STPG1: variants seen among roughly 807,000 people sequenced by gnomAD.
STPG1 encodes the protein O(6)-methylguanine-induced apoptosis 2.
STPG1 carries 33 observed loss-of-function variants against 40.1 expected under a neutral mutation model. That is an observed-to-expected ratio of 0.82 (90% CI 0.62 to 1.10). STPG1 has a LOEUF of 1.10. Among genes scored for constraint, STPG1 ranks in the 50% least tolerant of loss-of-function variants. The probability of loss-of-function intolerance (pLI) is 0.00; values close to 1 mark genes in which losing one functional copy is unlikely to be tolerated. For missense variants in STPG1, 396 were observed against 415.1 expected (o/e 0.95, Z 0.40); for synonymous variants, 150 against 155.0 (o/e 0.97, Z 0.24).
At chr1:24,365,862 C>A (rs1295319241) in intron 7 of STPG1, among the ~76,000 whole-genome samples, 4 of 152,176 alleles carry the variant, frequency 2.6e-5, no homozygotes, top group Non-Finnish European at 4.4e-5. Context: ...GTGGAGGTTC[C>A]ATGGTACTGA....
upstream of STPG1, chr1:24,414,238 G>A (rs1012418213): frequency 6.6e-6 from 1 of 151,724 alleles, no homozygotes; most frequent in Non-Finnish European, 1.5e-5. Context: ...TAGAGACAGG[G>A]TTTCACCACG....
At chr1:24,379,913 G>C (rs1570033550) in intron 4 of STPG1, 90 bp from the exon 5 acceptor site, 1 of 1,319,176 alleles carries the variant, frequency 7.6e-7, no homozygotes, top group East Asian at 2.4e-5. Context: ...CCAGCACAAG[G>C]TCTAAATGCA....
At chr1:24,374,875 C>T (rs1424685447) in intron 5 of STPG1, among the ~76,000 whole-genome samples, 1 of 152,056 alleles carries the variant, frequency 6.6e-6, no homozygotes, top group Non-Finnish European at 1.5e-5. Flanking sequence ...ATCTGCCCAC[C>T]TCGGCCTCCC....
chr1:24,365,009 G>C (rs1641363681), intron 7 of STPG1, among the ~76,000 whole-genome samples: 1 of 152,196 alleles, frequency 6.6e-6, no homozygotes, highest in Non-Finnish European at 1.5e-5. Context: ...GGATTCCCAG[G>C]GTTGGGAGGG....
chr1:24,405,102 C>T (rs1055822207), intron 1 of STPG1, among the ~76,000 whole-genome samples: 5 of 152,150 alleles, frequency 3.3e-5, no homozygotes, highest in African/African-American at 1.2e-4. Context: ...GGATTACAGG[C>T]ACTCCCACCA....
chr1:24,376,080 G>A (rs187377144), intron 5 of STPG1, among the ~76,000 whole-genome samples: 90 of 152,342 alleles, frequency 5.9e-4, no homozygotes, highest in African/African-American at 2.0e-3. Context: ...GAGTGCAGTA[G>A]TGTGATCTTG....
chr1:24,359,754 C>T lies in STPG1; in HGVS notation c.928+1097G>A, dbSNP rs1640972296. 6.6e-6 allele frequency among the ~76,000 whole-genome samples: 1 copy of T among 152,202 alleles called. No homozygotes were observed. Among genetic ancestry groups the T allele is most frequent in the African/African-American group, 2.4e-5 (1 of 41,452 alleles). ...TCATCCTCCCATGCCACCTGCCACA[C>T]ATGTCAGTCCCCAGTGCCACCAGCT... is the stretch of plus-strand genomic sequence containing the variant. On this transcript the variant is annotated intron_variant, in intron 8 of 8. Coordinates refer to ENST00000337248, the MANE Select transcript of STPG1 (RefSeq NM_001199013.2). This position sits in a 1 kb window ranked among gnomAD's most constrained non-coding sequence, Gnocchi z 5.3.
At chr1:24,404,070 T>C (rs573582978) in intron 1 of STPG1, among the ~76,000 whole-genome samples, 2 of 152,284 alleles carry the variant, frequency 1.3e-5, no homozygotes, top group East Asian at 3.9e-4. Context: ...AGTACAATGT[T>C]AGTTGTAGGT....
chr1:24,383,053 C>G (rs1000140329), intron 4 of STPG1, among the ~76,000 whole-genome samples: 1 of 151,576 alleles, frequency 6.6e-6, no homozygotes, highest in South Asian at 2.1e-4. Context: ...CTGGGACTAT[C>G]GACACACATC....
At chr1:24,379,283 C>T in intron 5 of STPG1, 1 of 195,198 alleles carries the variant, frequency 5.1e-6, no homozygotes, top group Non-Finnish European at 1.1e-5. Context: ...GTTTATTTTC[C>T]CTAGAAGAAC....
chr1:24,374,232 C>T (rs72652538), intron 5 of STPG1, among the ~76,000 whole-genome samples: 2 of 148,126 alleles, frequency 1.4e-5, no homozygotes, highest in Non-Finnish European at 3.0e-5. Context: ...CAGAGATCAC[C>T]GCTAGGAAAG....
intron 7 of STPG1, among the ~76,000 whole-genome samples, chr1:24,365,025 G>A (rs1641365436): frequency 6.6e-6 from 1 of 152,162 alleles, no homozygotes; most frequent in Non-Finnish European, 1.5e-5. Context: ...GAGGGATAAA[G>A]GGGCAATTTT....
intron 7 of STPG1, chr1:24,369,335 C>T (rs1356269492): frequency 2.0e-6 from 1 of 503,108 alleles, no homozygotes; most frequent in Admixed American, 2.3e-5. Flanking sequence ...TGAGCCAATT[C>T]CCTGTGGCTC....
intron 1 of STPG1, among the ~76,000 whole-genome samples, chr1:24,412,570 C>G (rs1373622473): frequency 2.6e-5 from 4 of 152,118 alleles, no homozygotes; most frequent in Admixed American, 1.3e-4. Flanking sequence ...ACAGTATTTG[C>G]TCAATTGGCC....
At chr1:24,382,827 T>C (rs1642346312) in intron 4 of STPG1, among the ~76,000 whole-genome samples, 1 of 151,912 alleles carries the variant, frequency 6.6e-6, no homozygotes, top group South Asian at 2.1e-4. Context: ...TCATAATACA[T>C]CTGTGCAAGA....
At chr1:24,391,472 G>A (rs1642768746) in intron 3 of STPG1, 89 bp downstream of exon 3, 1 of 843,318 alleles carries the variant, frequency 1.2e-6, no homozygotes, top group Non-Finnish European at 1.9e-6. Flanking sequence ...ACTGTCCACA[G>A]AAAGACACAG....
chr1:24,358,890 G>A (rs1291404728), intron 8 of STPG1, among the ~76,000 whole-genome samples: 2 of 152,140 alleles, frequency 1.3e-5, no homozygotes, highest in Non-Finnish European at 2.9e-5. Flanking sequence ...TATGAAATTC[G>A]AAAAGAAATT....
intron 4 of STPG1, among the ~76,000 whole-genome samples, chr1:24,382,587 G>A (rs1035285584): frequency 4.0e-4 from 61 of 152,144 alleles, no homozygotes; most frequent in African/African-American, 1.5e-3. Context: ...TTCTTTCCTA[G>A]CAGAGCTGGT....
At chr1:24,404,298 A>C (rs1177176929) in intron 1 of STPG1, among the ~76,000 whole-genome samples, 1 of 152,232 alleles carries the variant, frequency 6.6e-6, no homozygotes, top group Non-Finnish European at 1.5e-5. Flanking sequence ...ATAAGATATT[A>C]TCACTTTTAT....
Sources: gnomAD v4.1 joint callset for allele counts (sites outside exome capture counted in the v4.1 genomes callset) on GRCh38, gnomAD v4.1.1 for gene constraint, Gnocchi (gnomAD v3.1) non-coding constraint, MANE v1.5 for transcripts, NCBI Gene and HGNC (gene_info 2026-07-23, HGNC 2026-07-21) for gene names.